The following ARHGAP6 variants were observed in gnomAD, a reference collection of about 807,000 sequenced individuals.
ARHGAP6 encodes rho GTPase-activating protein 6.
ARHGAP6 carries 16 observed loss-of-function variants against 55.7 expected under a neutral mutation model. That is an observed-to-expected ratio of 0.29 (90% CI 0.19 to 0.44). ARHGAP6 has a LOEUF of 0.44. Ranked by LOEUF, ARHGAP6 falls within the 20% of genes least tolerant of loss-of-function variation. The pLI, the probability that ARHGAP6 is intolerant of heterozygous loss-of-function variation, is 1.00. For missense variants in ARHGAP6, 698 were observed against 808.9 expected, an observed-to-expected ratio of 0.86 and a Z score of 1.66; for synonymous variants, 382 against 360.9, an observed-to-expected ratio of 1.06 and a Z score of -0.66.
intron 1 of ARHGAP6, among the ~76,000 whole-genome samples, chrX:11,416,542 G>A (rs909535953): frequency 2.7e-5 from 3 of 111,115 alleles, no homozygotes; most frequent in Non-Finnish European, 5.7e-5. Flanking sequence ...TCACTCTTCA[G>A]CAATCCTGAA....
intron 1 of ARHGAP6, among the ~76,000 whole-genome samples, chrX:11,410,482 G>A (rs1020539736): frequency 1.3e-4 from 15 of 112,011 alleles, no homozygotes; most frequent in African/African-American, 4.5e-4. Flanking sequence ...ATTGGTGGAG[G>A]AGATAAAAAG....
intron 1 of ARHGAP6, among the ~76,000 whole-genome samples, chrX:11,505,496 C>T (rs1401446191): frequency 9.0e-6 from 1 of 111,038 alleles, no homozygotes; most frequent in Non-Finnish European, 1.9e-5. Flanking sequence ...TGTGGCAATT[C>T]CTCCAAGAGC....
chrX:11,394,053 T>C (rs952344073), intron 1 of ARHGAP6, among the ~76,000 whole-genome samples: 1 of 111,463 alleles, frequency 9.0e-6, no homozygotes, highest in African/African-American at 3.3e-5. Flanking sequence ...ATAAGCGTTA[T>C]AAGCCAAAAA....
intron 1 of ARHGAP6, among the ~76,000 whole-genome samples, chrX:11,659,576 C>T (rs927565680): frequency 6.3e-5 from 7 of 111,796 alleles, no homozygotes; most frequent in African/African-American, 2.3e-4. Flanking sequence ...GCAAAGGGAA[C>T]TTAAGGTTTC....
At chrX:11,195,417 T>C (rs1198913838) in intron 3 of ARHGAP6, among the ~76,000 whole-genome samples, 1 of 110,232 alleles carries the variant, frequency 9.1e-6, no homozygotes, top group East Asian at 2.8e-4. Flanking sequence ...TTATGTGAGC[T>C]TGAATATCAG....
intron 1 of ARHGAP6, among the ~76,000 whole-genome samples, chrX:11,525,049 G>A (rs113749119): frequency 0.1 from 11,213 of 111,267 alleles, 690 homozygotes; most frequent in African/African-American, 0.21. Flanking sequence ...TGCTGTAAAT[G>A]CAGATGAAGT....
intron 1 of ARHGAP6, among the ~76,000 whole-genome samples, chrX:11,303,723 C>A (rs952718529): frequency 2.7e-5 from 3 of 111,342 alleles, no homozygotes; most frequent in Non-Finnish European, 5.7e-5. Context: ...GTTAAGTGTC[C>A]ACAGAAGCAC....
chrX:11,552,575 T>TATATATATATAC (rs2051279120), intron 1 of ARHGAP6, among the ~76,000 whole-genome samples: 1 of 58,752 alleles, frequency 1.7e-5, no homozygotes, highest in Non-Finnish European at 3.1e-5. Flanking sequence ...TATATATATA[T>TATATATATATAC]ATATATATAT....
At chrX:11,590,852 A>AG (rs2051808762) in intron 1 of ARHGAP6, among the ~76,000 whole-genome samples, 2 of 45,519 alleles carry the variant, frequency 4.4e-5, no homozygotes, top group East Asian at 1.0e-3. Context: ...AAAAGAAAAG[A>AG]AAAGAAAAGA....
intron 1 of ARHGAP6, among the ~76,000 whole-genome samples, chrX:11,500,421 G>A (rs1471747088): frequency 9.0e-6 from 1 of 110,955 alleles, no homozygotes; most frequent in Non-Finnish European, 1.9e-5. Context: ...AGCACTTTGT[G>A]AGGCCGAGGT....
At chrX:11,290,437 C>T (rs375558066) in intron 1 of ARHGAP6, 29 of 371,494 alleles carry the variant, frequency 7.8e-5, no homozygotes, top group African/African-American at 5.9e-4. Flanking sequence ...CGGAATTCAT[C>T]GGTGGTTTTG....
At chrX:11,568,756 CAA>C (rs779282032) in intron 1 of ARHGAP6, among the ~76,000 whole-genome samples, 39 of 54,480 alleles carry the variant, frequency 7.2e-4, no homozygotes, top group South Asian at 4.6e-3. Context: ...GATACTATCT[CAA>C]AAAAAAAAAA....
At chrX:11,337,033 C>A (rs1280262860) in intron 1 of ARHGAP6, among the ~76,000 whole-genome samples, 1 of 110,900 alleles carries the variant, frequency 9.0e-6, no homozygotes, top group Non-Finnish European at 1.9e-5. Context: ...CTCCACAGGA[C>A]TCCTACAGCC....
At chrX:11,279,398 G>C (rs1030667645) in intron 1 of ARHGAP6, among the ~76,000 whole-genome samples, 4 of 111,910 alleles carry the variant, frequency 3.6e-5, no homozygotes, top group Non-Finnish European at 7.5e-5. Context: ...GATTTATCCT[G>C]TTCCTAAAAA....
chrX:11,462,443 C>G (rs1259739995), intron 1 of ARHGAP6, among the ~76,000 whole-genome samples: 2 of 112,187 alleles, frequency 1.8e-5, no homozygotes, highest in African/African-American at 6.5e-5. Flanking sequence ...GTAGTAATGG[C>G]GTCCTTGTGT....
chrX:11,663,346 C>A (rs2052721008), intron 1 of ARHGAP6, among the ~76,000 whole-genome samples: 1 of 111,957 alleles, frequency 8.9e-6, no homozygotes, highest in African/African-American at 3.2e-5. Flanking sequence ...GATGGAATCT[C>A]CCTTCCCTTA....
chrX:11,302,464 T>C (rs1198963349), intron 1 of ARHGAP6, among the ~76,000 whole-genome samples: 1 of 112,141 alleles, frequency 8.9e-6, no homozygotes, highest in Non-Finnish European at 1.9e-5. Context: ...GCCATTCTCT[T>C]CCTCAGGCCA....
At chrX:11,608,473 C>A (rs749187829) in intron 1 of ARHGAP6, among the ~76,000 whole-genome samples, 19 of 111,061 alleles carry the variant, frequency 1.7e-4, no homozygotes, top group African/African-American at 5.6e-4. Context: ...ACCATCATAA[C>A]CACCATGAAG....
intron 1 of ARHGAP6, among the ~76,000 whole-genome samples, chrX:11,416,806 T>G (rs867960509): frequency 1.7e-4 from 18 of 108,777 alleles, no homozygotes; most frequent in African/African-American, 5.7e-4. Flanking sequence ...AAGGGCAGAG[T>G]GCCAGCTCTC....
Sources: allele counts gnomAD v4.1 joint callset (sites outside exome capture counted in the v4.1 genomes callset), GRCh38; gene constraint gnomAD v4.1.1; transcripts MANE v1.5; gene names NCBI Gene and HGNC (gene_info 2026-07-23, HGNC 2026-07-21).